The following PCCA variants were observed in gnomAD, a reference collection of about 807,000 sequenced individuals.
PCCA encodes the protein propionyl-CoA carboxylase alpha chain, mitochondrial.
Under a neutral mutation model 101.3 loss-of-function variants are expected in PCCA, and 74 were observed. That is an observed-to-expected ratio of 0.73 (90% CI 0.61 to 0.89). The LOEUF is 0.89. Ranked by LOEUF, PCCA falls within the 40% of genes least tolerant of loss-of-function variation. PCCA has a pLI of 0.00. For synonymous variants in PCCA, 294 were observed against 313.6 expected (o/e 0.94, Z 0.66); for missense variants, 891 against 907.0 (o/e 0.98, Z 0.23).
intron 18 of PCCA, among the ~76,000 whole-genome samples, chr13:100,363,247 A>G (rs2074823851): frequency 6.6e-6 from 1 of 152,016 alleles, no homozygotes; most frequent in Non-Finnish European, 1.5e-5. Flanking sequence ...CCCCTTCCCC[A>G]ACCCTGGGGA....
intron 16 of PCCA, among the ~76,000 whole-genome samples, chr13:100,322,334 C>T (rs779138319): frequency 6.6e-6 from 1 of 152,078 alleles, no homozygotes; most frequent in Admixed American, 6.6e-5. Context: ...TCATGCCTAC[C>T]TACAAGCTAG....
At chr13:100,091,552 T>C (rs959938958) in intron 1 of PCCA, among the ~76,000 whole-genome samples, 3 of 152,208 alleles carry the variant, frequency 2.0e-5, no homozygotes, top group Non-Finnish European at 4.4e-5. Context: ...GCTTCTCTTC[T>C]ATGAACTTGA....
intron 6 of PCCA, among the ~76,000 whole-genome samples, chr13:100,181,439 G>A (rs1329240911): frequency 2.6e-5 from 4 of 152,120 alleles, no homozygotes; most frequent in Non-Finnish European, 5.9e-5. Context: ...TTTGGAAACA[G>A]GGTGTTGCTC....
At chr13:100,109,314 C>G (rs1016611805) in intron 2 of PCCA, among the ~76,000 whole-genome samples, 1 of 152,142 alleles carries the variant, frequency 6.6e-6, no homozygotes, top group Non-Finnish European at 1.5e-5. Flanking sequence ...AGGAGGAGAA[C>G]ATAGAATGTT....
chr13:100,405,575 G>A (rs1325596258), intron 19 of PCCA, among the ~76,000 whole-genome samples: 1 of 152,090 alleles, frequency 6.6e-6, no homozygotes, highest in Non-Finnish European at 1.5e-5. Context: ...AATGCAACAA[G>A]AATAATTATT....
intron 4 of PCCA, among the ~76,000 whole-genome samples, chr13:100,112,678 G>A (rs2048428698): frequency 6.8e-6 from 1 of 146,768 alleles, no homozygotes; most frequent in Non-Finnish European, 1.5e-5. Flanking sequence ...CTGGGTTCAA[G>A]CGATTCTCCC....
intron 12 of PCCA, among the ~76,000 whole-genome samples, chr13:100,284,109 T>C (rs1012975195): frequency 3.3e-5 from 5 of 152,364 alleles, no homozygotes; most frequent in Admixed American, 2.6e-4. Flanking sequence ...TAATCTCCTG[T>C]CCTGGATGAC....
intron 4 of PCCA, among the ~76,000 whole-genome samples, chr13:100,122,283 T>G (rs1260776128): frequency 6.6e-6 from 1 of 152,202 alleles, no homozygotes; most frequent in Non-Finnish European, 1.5e-5. Flanking sequence ...GTGTTCATAT[T>G]TACAAGAGAT....
chr13:100,489,914 C>A (rs1417228261), intron 21 of PCCA: 1 of 152,206 alleles, frequency 6.6e-6, no homozygotes, highest in Non-Finnish European at 1.5e-5. Flanking sequence ...GAGGAAGATT[C>A]TGTAACTGTT....
At chr13:100,515,765 C>A (rs1160144441) in intron 22 of PCCA, among the ~76,000 whole-genome samples, 198 bp downstream of exon 22, 1 of 152,234 alleles carries the variant, frequency 6.6e-6, no homozygotes, top group Non-Finnish European at 1.5e-5. Context: ...CTCAGCGCTT[C>A]CCCTCCCAAA....
At chr13:100,473,906 T>C (rs1473461083) in intron 21 of PCCA, among the ~76,000 whole-genome samples, 1 of 152,250 alleles carries the variant, frequency 6.6e-6, no homozygotes, top group Non-Finnish European at 1.5e-5. Flanking sequence ...CACATTGTGC[T>C]GCCACAGGCA....
At chr13:100,208,250 A>G (rs1369361566) in intron 6 of PCCA, among the ~76,000 whole-genome samples, 1 of 152,062 alleles carries the variant, frequency 6.6e-6, no homozygotes, top group African/African-American at 2.4e-5. Context: ...CTTGGTCATG[A>G]TGGCCAGGAG....
intron 18 of PCCA, among the ~76,000 whole-genome samples, chr13:100,357,913 G>C (rs1200968521): frequency 6.6e-6 from 1 of 152,138 alleles, no homozygotes; most frequent in Non-Finnish European, 1.5e-5. Context: ...TCAAATTGTT[G>C]GTTGACCCTG....
At chr13:100,208,626 TAA>T (rs2059018751) in intron 6 of PCCA, among the ~76,000 whole-genome samples, 1 of 152,198 alleles carries the variant, frequency 6.6e-6, no homozygotes, top group African/African-American at 2.4e-5. Flanking sequence ...TAGATCTATT[TAA>T]GTCACTAGCT....
chr13:100,515,673 T>C, intron 22 of PCCA, 106 bp downstream of exon 22: 1 of 1,381,910 alleles, frequency 7.2e-7, no homozygotes, highest in Non-Finnish European at 1.0e-6. Context: ...AGTTCTTACT[T>C]AACCGACGCC....
At chr13:100,497,356 C>T (rs2085348496) in intron 21 of PCCA, among the ~76,000 whole-genome samples, 1 of 152,034 alleles carries the variant, frequency 6.6e-6, no homozygotes, top group African/African-American at 2.4e-5. Context: ...CCGAATTTGG[C>T]TTTGAAGTAT....
At chr13:100,340,028 G>A (rs1360324384) in intron 17 of PCCA, 129 bp from the exon 18 acceptor site, 1 of 712,286 alleles carries the variant, frequency 1.4e-6, no homozygotes, top group African/African-American at 1.7e-5. Context: ...CCAGTGCCTA[G>A]TACAATCCTA....
At chr13:100,355,882 A>C (rs530581738) in intron 18 of PCCA, among the ~76,000 whole-genome samples, 1 of 152,320 alleles carries the variant, frequency 6.6e-6, no homozygotes, top group Non-Finnish European at 1.5e-5. Flanking sequence ...ACAAAGCTAC[A>C]ATAATCAAGA....
At chr13:100,104,019 A>C (rs1176788978) in intron 2 of PCCA, among the ~76,000 whole-genome samples, 1 of 152,188 alleles carries the variant, frequency 6.6e-6, no homozygotes, top group Non-Finnish European at 1.5e-5. Context: ...CTATTACAAT[A>C]ATGTTTGAGC....
Sources: gnomAD v4.1 joint callset for allele counts (sites outside exome capture counted in the v4.1 genomes callset) on GRCh38, gnomAD v4.1.1 for gene constraint, MANE v1.5 for transcripts, NCBI Gene and HGNC (gene_info 2026-07-23, HGNC 2026-07-21) for gene names.